Variants in NCALD observed in about 807,000 individuals in gnomAD.
NCALD encodes the protein neurocalcin-delta.
A neutral mutation model predicts 18.6 loss-of-function variants in NCALD; 10 were observed. The observed-to-expected ratio is 0.54, with a 90% CI of 0.33 to 0.91. The LOEUF is 0.91. Among genes scored for constraint, NCALD ranks in the 40% least tolerant of loss-of-function variants. The probability of loss-of-function intolerance (pLI) is 0.03; values close to 1 mark genes in which losing one functional copy is unlikely to be tolerated. For synonymous variants in NCALD, 88 were observed against 87.4 expected (o/e 1.01, Z -0.04); for missense variants, 184 against 247.6 (o/e 0.74, Z 1.72).
intron 2 of NCALD, among the ~76,000 whole-genome samples, chr8:101,976,567 A>T (rs1820430332): frequency 6.6e-6 from 1 of 152,270 alleles, no homozygotes; most frequent in African/African-American, 2.4e-5. Flanking sequence ...CCAAAGGAAT[A>T]TACAAAATAA....
chr8:101,742,650 A>G (rs928968333), intron 1 of NCALD, among the ~76,000 whole-genome samples: 3 of 152,010 alleles, frequency 2.0e-5, no homozygotes, highest in African/African-American at 7.3e-5. Flanking sequence ...ACTGATCCTC[A>G]TTAGATTACA....
intron 1 of NCALD, among the ~76,000 whole-genome samples, chr8:101,790,111 A>C (rs1471170050): frequency 6.6e-6 from 1 of 152,196 alleles, no homozygotes; most frequent in Non-Finnish European, 1.5e-5. Flanking sequence ...AAATAACAAC[A>C]GCTTACATGA....
intron 2 of NCALD, among the ~76,000 whole-genome samples, chr8:101,960,402 GA>G (rs1348343746): frequency 6.6e-6 from 1 of 152,006 alleles, no homozygotes; most frequent in Non-Finnish European, 1.5e-5. Flanking sequence ...CATTTTTCAG[GA>G]AAAAATAATT....
intron 2 of NCALD, among the ~76,000 whole-genome samples, chr8:101,996,064 T>C (rs1402639377): frequency 6.6e-6 from 1 of 152,240 alleles, no homozygotes; most frequent in Non-Finnish European, 1.5e-5. Context: ...GTCTGTTCTG[T>C]GGGCTTTCAC....
rs1268103650 is a variant in NCALD at position 101,796,414 on chromosome 8, A to G, written c.-19-76766T>C. Among the ~76,000 whole-genome samples the G allele has an allele frequency of 2.6e-5, 4 of 152,324 alleles. No homozygotes were observed. The South Asian group carries it at 8.3e-4, about 32-fold the overall frequency. ...CATTTTCTGTAATCATCAGACAGGG[A>G]CTTTAAAATAACTCTAATTTGTATG... On this transcript the variant is annotated intron_variant, in intron 4 of 6. Transcript: ENST00000311028.
intron 2 of NCALD, among the ~76,000 whole-genome samples, chr8:101,696,082 A>G (rs931791362): frequency 5.9e-5 from 9 of 152,146 alleles, no homozygotes; most frequent in Admixed American, 2.6e-4. Flanking sequence ...CTTAGAAACC[A>G]TGCAAACCCA....
chr8:101,880,163 C>G lies in NCALD; in HGVS notation c.-20+6978G>C, dbSNP rs545041758. On this transcript the variant is annotated intron_variant, in intron 4 of 6. Coordinates refer to the NCALD transcript ENST00000311028. ...GCCCTGCTGGGAGGTAGCTGAGGCC[C>G]GGCGAGAATTCGAGAGCAGCGCTGG... Among the ~76,000 whole-genome samples, 20 of 152,260 alleles carry G rather than the reference C, an allele frequency of 1.3e-4. No individual in the cohort carries two copies. The East Asian group carries it at 3.5e-3, about 27-fold the overall frequency.
chr8:101,720,417 G>C (rs1816297263), intron 1 of NCALD, among the ~76,000 whole-genome samples: 1 of 152,118 alleles, frequency 6.6e-6, no homozygotes, highest in South Asian at 2.1e-4. Flanking sequence ...CATAGTAAAA[G>C]AGTGATACAT....
At chr8:102,080,700 T>A (rs1322547613) in intron 1 of NCALD, among the ~76,000 whole-genome samples, 1 of 152,178 alleles carries the variant, frequency 6.6e-6, no homozygotes, top group Admixed American at 6.5e-5. Flanking sequence ...AAACTCTGCA[T>A]GGTGGGCATG....
chr8:101,974,614 A>G (rs576613859), intron 2 of NCALD, among the ~76,000 whole-genome samples: 31 of 152,350 alleles, frequency 2.0e-4, no homozygotes, highest in African/African-American at 6.5e-4. Context: ...AAAATATATA[A>G]TAGCCTAAAT....
chr8:101,869,484 C>T (rs1418173737), intron 4 of NCALD, among the ~76,000 whole-genome samples: 1 of 152,168 alleles, frequency 6.6e-6, no homozygotes, highest in Non-Finnish European at 1.5e-5. Flanking sequence ...ATCTTCAGAA[C>T]CACAAGATAA....
Position 101,702,735 on chromosome 8 carries a change from G to A in NCALD, c.379-9839C>T, listed in dbSNP as rs115466564. 9.2e-3 allele frequency among the ~76,000 whole-genome samples: 1,395 copies of A among 152,312 alleles called. 28 individuals are homozygous for A. Among genetic ancestry groups the A allele is most frequent in the African/African-American group, 0.032 (1,321 of 41,574 alleles). On this transcript the variant is annotated intron_variant, in intron 2 of 3. Coordinates refer to ENST00000220931, the MANE Select transcript of NCALD (RefSeq NM_032041.3). ...CGGCAGAAGAGCAAGAGGCTGCTCC[G>A]CAGAAGTGGCCTCATGGATATTGGA...
At chr8:102,116,608 G>A (rs186683097) in intron 1 of NCALD, among the ~76,000 whole-genome samples, 2 of 152,226 alleles carry the variant, frequency 1.3e-5, no homozygotes, top group Admixed American at 6.5e-5. Flanking sequence ...TCAGCCTCCC[G>A]AGTAGCTGGA....
intron 4 of NCALD, among the ~76,000 whole-genome samples, chr8:101,879,294 G>C (rs1586680637): frequency 6.6e-6 from 1 of 152,126 alleles, no homozygotes; most frequent in East Asian, 1.9e-4. Flanking sequence ...CTGATGTTCA[G>C]ACGTGTTCAG....
At chr8:101,844,297 G>A (rs1427340179) in intron 4 of NCALD, among the ~76,000 whole-genome samples, 1 of 152,130 alleles carries the variant, frequency 6.6e-6, no homozygotes, top group East Asian at 1.9e-4. Context: ...CAATGAAAGA[G>A]GTTGGGAATG....
rs1243597582 is a variant in NCALD at position 101,764,276 on chromosome 8, C to A, written c.-20+26586G>T. On this transcript the variant is annotated intron_variant, in intron 1 of 3. Transcript: ENST00000220931. ...TCCTCCAACATCTAAAGATCAGAGA[C>A]TTTGGCTGCAGACATTGAGAAGGAG... 2.0e-5 allele frequency among the ~76,000 whole-genome samples: 3 copies of A among 152,138 alleles called. No individual in the cohort carries two copies. The East Asian group carries it at 5.8e-4, about 29-fold the overall frequency.
At chr8:102,092,744 C>T (rs963213080) in intron 1 of NCALD, among the ~76,000 whole-genome samples, 5 of 152,194 alleles carry the variant, frequency 3.3e-5, no homozygotes, top group African/African-American at 1.2e-4. Context: ...CCTTCAACTA[C>T]TTATTTCCTA....
intron 1 of NCALD, among the ~76,000 whole-genome samples, chr8:102,107,814 C>T (rs1825521645): frequency 6.6e-6 from 1 of 152,174 alleles, no homozygotes; most frequent in Non-Finnish European, 1.5e-5. Flanking sequence ...AACTTGTGTC[C>T]TTCTTTTATG....
At chr8:102,050,168 C>CAAGAAAAAAAAAAAAAAA (rs1823390917) in intron 1 of NCALD, among the ~76,000 whole-genome samples, 1 of 44,682 alleles carries the variant, frequency 2.2e-5, no homozygotes, top group African/African-American at 7.9e-5. Context: ...GACTCCGTCT[C>CAAGAAAAAAAAAAAAAAA]AAAAAAAAAA....
Sources: gnomAD v4.1 joint callset for allele counts (sites outside exome capture counted in the v4.1 genomes callset) on GRCh38, gnomAD v4.1.1 for gene constraint, MANE v1.5 for transcripts, NCBI Gene and HGNC (gene_info 2026-07-23, HGNC 2026-07-21) for gene names.